The following TNKS variants were observed in gnomAD, a reference collection of about 807,000 sequenced individuals.
TNKS encodes tankyrase.
A neutral mutation model predicts 135.8 loss-of-function variants in TNKS; 72 were observed. That is an observed-to-expected ratio of 0.53 (90% confidence interval 0.44 to 0.64). The LOEUF (loss-of-function observed/expected upper bound fraction) is 0.64. Among genes scored for constraint, TNKS ranks in the 30% least tolerant of loss-of-function variants. TNKS has a pLI of 0.00. For missense variants in TNKS, 1,769 were observed against 1,674.0 expected (o/e 1.06, Z -0.99); for synonymous variants, 849 against 649.3 (o/e 1.31, Z -4.68).
At chr8:9,649,512 G>A (rs554222165) in intron 3 of TNKS, among the ~76,000 whole-genome samples, 2 of 152,122 alleles carry the variant, frequency 1.3e-5, no homozygotes, top group Admixed American at 1.3e-4. Flanking sequence ...GGGACAGGTG[G>A]TGGTTGGTTA....
chr8:9,556,873 G>A (rs1815339974), intron 1 of TNKS: 1 of 568,260 alleles, frequency 1.8e-6, no homozygotes, highest in Non-Finnish European at 3.1e-6. Flanking sequence ...GGTAGTCTCT[G>A]CATATGGATA....
chr8:9,752,076 C>A (rs1341097512), intron 19 of TNKS, among the ~76,000 whole-genome samples: 2 of 152,150 alleles, frequency 1.3e-5, no homozygotes, highest in South Asian at 4.1e-4. Flanking sequence ...ACAACCATAG[C>A]ATCTTATTGA....
chr8:9,720,495 G>C lies in TNKS; in HGVS notation c.1871G>C (p.Gly624Ala). 1 of 1,614,092 alleles carries C rather than the reference G, an allele frequency of 6.2e-7. No homozygotes were observed. The highest frequency in any genetic ancestry group is 8.5e-7 in the Non-Finnish European group (1 of 1,180,000). ...GSDPSIISLQ[G>A]FTAAQMGNEA... ...GACCCCTCCATCATCTCCTTACAAG[G>C]CTTCACAGCAGCACAGATGGGCAAT... The change falls in exon 12 of 27, where the codon GGC becomes GCC. Residue 624 changes from glycine (G) to alanine (A), a missense_variant. Physicochemically the swap from Gly to Ala is moderately conservative, Grantham distance 60. This residue lies in a region of TNKS where 523 missense variants were observed against 541.0 expected (regional missense o/e 0.97). Transcript: ENST00000310430.
chr8:9,750,648 A>G (rs1001528224), intron 18 of TNKS, among the ~76,000 whole-genome samples: 1 of 152,128 alleles, frequency 6.6e-6, no homozygotes, highest in African/African-American at 2.4e-5. Flanking sequence ...AACCAAAGCC[A>G]CATGTCCACC....
At chr8:9,653,306 C>G (rs897379291) in intron 3 of TNKS, among the ~76,000 whole-genome samples, 5 of 152,100 alleles carry the variant, frequency 3.3e-5, no homozygotes, top group African/African-American at 1.2e-4. Context: ...GGGACTCAAA[C>G]TGTATCATGC....
intron 18 of TNKS, among the ~76,000 whole-genome samples, chr8:9,750,067 T>C (rs1206536871): frequency 6.6e-6 from 1 of 152,210 alleles, no homozygotes; most frequent in Non-Finnish European, 1.5e-5. Context: ...GGAATCCAAG[T>C]AAAGGTGCAG....
intron 6 of TNKS, among the ~76,000 whole-genome samples, 156 bp from the exon 7 acceptor site, chr8:9,706,031 A>C (rs1451242483): frequency 3.3e-5 from 5 of 152,210 alleles, no homozygotes; most frequent in Non-Finnish European, 7.3e-5. Flanking sequence ...AGGTGTGAAC[A>C]TAAGCTATGC....
At chr8:9,630,043 C>G (rs550400416) in intron 3 of TNKS, among the ~76,000 whole-genome samples, 1 of 152,274 alleles carries the variant, frequency 6.6e-6, no homozygotes, top group South Asian at 2.1e-4. Context: ...TAAGCTCTTC[C>G]TGACCTCTCA....
Position 9,734,954 on chromosome 8 carries a change from G to A in TNKS, c.2403G>A (p.Leu801=). The change falls in exon 16 of 27, where the codon CTG becomes CTA. Residue 801 remains leucine, a synonymous_variant. Coordinates refer to ENST00000310430, the MANE Select transcript of TNKS (RefSeq NM_003747.3). ...KEGDTDIQDL[L]RGDAALLDAA... ...GAGACACAGATATTCAGGACTTACT[G>A]AGAGGGGATGCTGCTTTGTTGGATG... 1 of 1,614,182 alleles carries A rather than the reference G, an allele frequency of 6.2e-7. No individual in the cohort carries two copies. The highest frequency in any genetic ancestry group is 8.5e-7 in the Non-Finnish European group (1 of 1,180,026).
chr8:9,661,803 C>G (rs1314716452), intron 3 of TNKS, among the ~76,000 whole-genome samples: 2 of 152,150 alleles, frequency 1.3e-5, no homozygotes, highest in Admixed American at 6.5e-5. Flanking sequence ...GGGCTACCTA[C>G]AGAATGGGAG....
intron 1 of TNKS, among the ~76,000 whole-genome samples, chr8:9,570,329 A>T (rs1797709436): frequency 6.6e-6 from 1 of 152,156 alleles, no homozygotes; most frequent in Admixed American, 6.6e-5. Context: ...TATTGACTGT[A>T]ATGGGGATAG....
At chr8:9,757,726 C>G (rs535048661) in intron 20 of TNKS, among the ~76,000 whole-genome samples, 2 of 152,224 alleles carry the variant, frequency 1.3e-5, no homozygotes, top group East Asian at 3.9e-4. Context: ...TTTCATGGCC[C>G]CACTCTTTTA....
At chr8:9,620,190 C>T (rs748046012) in intron 3 of TNKS, among the ~76,000 whole-genome samples, 93 of 152,100 alleles carry the variant, frequency 6.1e-4, no homozygotes, top group Admixed American at 5.9e-4. Flanking sequence ...CCTCGTGATC[C>T]GCTGCCTTGG....
At chr8:9,668,823 T>C (rs1802128543) in intron 3 of TNKS, among the ~76,000 whole-genome samples, 1 of 152,016 alleles carries the variant, frequency 6.6e-6, no homozygotes, top group African/African-American at 2.4e-5. Flanking sequence ...GAAGGTAAGG[T>C]GGAATAGGGA....
chr8:9,672,651 T>G, intron 3 of TNKS, among the ~76,000 whole-genome samples: 1 of 104,634 alleles, frequency 9.6e-6, no homozygotes, highest in African/African-American at 3.8e-5. Context: ...GACACTGTGA[T>G]GGTAAAAAAA....
intron 3 of TNKS, among the ~76,000 whole-genome samples, chr8:9,638,627 C>G (rs1800609472): frequency 6.6e-6 from 1 of 152,148 alleles, no homozygotes; most frequent in African/African-American, 2.4e-5. Flanking sequence ...ATATTTATGT[C>G]ATTCTTTTCA....
intron 3 of TNKS, chr8:9,658,529 A>C: frequency 4.8e-6 from 2 of 416,910 alleles, no homozygotes; most frequent in Non-Finnish European, 8.2e-6. Context: ...CAGACAAGCA[A>C]ATGCTGAGAG....
chr8:9,717,072 A>ATATATATATATATATATATATATATAT (rs376229840), intron 11 of TNKS, among the ~76,000 whole-genome samples: 847 of 79,344 alleles, frequency 0.011, 155 homozygotes, highest in Non-Finnish European at 0.016. Flanking sequence ...GTTGTATTAT[A>ATATATATATATATATATATATATATAT]ATATATATAT....
chr8:9,779,233 T>A lies in TNKS; in HGVS notation c.*2497T>A, dbSNP rs924644624. 2.0e-5 allele frequency: 3 copies of A among 152,638 alleles called. No homozygotes were observed. Among genetic ancestry groups the A allele is most frequent in the African/African-American group, 7.2e-5 (3 of 41,450 alleles). The allele number at this position is 152,638 out of a possible 1,614,324, so 9.5% of individuals were successfully genotyped here. On this transcript the variant is annotated 3_prime_UTR_variant, in exon 27 of 27. Transcript: ENST00000310430. The stretch of plus-strand genomic sequence containing the variant: ...GGTCATCATGAGTGCACTCAAAAGT[T>A]AGGACAAGTTTATTACATTTGGGAT...
Sources: gnomAD v4.1 joint callset for allele counts (sites outside exome capture counted in the v4.1 genomes callset) on GRCh38, gnomAD v4.1.1 for gene constraint, gnomAD v4.1.1 regional missense constraint, MANE v1.5 for transcripts, NCBI Gene and HGNC (gene_info 2026-07-23, HGNC 2026-07-21) for gene names.